AGMO: variants seen among roughly 807,000 people sequenced by gnomAD.
The protein encoded by AGMO is alkylglycerol monooxygenase, also known as glyceryl-ether monooxygenase.
A neutral mutation model predicts 60.2 loss-of-function variants in AGMO; 75 were observed. The observed-to-expected ratio is 1.25, with a 90% confidence interval of 1.03 to 1.51. The LOEUF (loss-of-function observed/expected upper bound fraction) is 1.51, where lower values mean the gene tolerates loss of function less well. Among genes scored for constraint, AGMO ranks in the 40% most tolerant of loss-of-function variants. AGMO has a pLI of 0.00. For missense variants in AGMO, 763 were observed against 525.5 expected, an observed-to-expected ratio of 1.45 and a Z score of -4.42; for synonymous variants, 261 against 177.1, an observed-to-expected ratio of 1.47 and a Z score of -3.76.
chr7:15,559,935 G>C (rs1306040889), intron 2 of AGMO, among the ~76,000 whole-genome samples: 4 of 152,062 alleles, frequency 2.6e-5, no homozygotes, highest in African/African-American at 9.7e-5. Flanking sequence ...ACAGAGTCAA[G>C]ATAAATAATG....
chr7:15,181,605 G>C, the AGMO span, among the ~76,000 whole-genome samples: 1 of 152,054 alleles, frequency 6.6e-6, no homozygotes, highest in Non-Finnish European at 1.5e-5. Flanking sequence ...AGATAAGCTT[G>C]TAGGTTCAAT....
chr7:15,445,766 G>A (rs1781682959), intron 3 of AGMO, among the ~76,000 whole-genome samples: 1 of 152,138 alleles, frequency 6.6e-6, no homozygotes. Flanking sequence ...GTTAAGACAT[G>A]TAGGGATGTT....
intron 3 of AGMO, among the ~76,000 whole-genome samples, chr7:15,499,753 C>G (rs1010270673): frequency 6.6e-6 from 1 of 151,464 alleles, no homozygotes; most frequent in Non-Finnish European, 1.5e-5. Context: ...AGAGAACTGC[C>G]TGAATAAATT....
chr7:15,241,648 A>G (rs1221528164), intron 12 of AGMO, among the ~76,000 whole-genome samples: 2 of 152,096 alleles, frequency 1.3e-5, no homozygotes, highest in Non-Finnish European at 2.9e-5. Flanking sequence ...CTGGACTCTC[A>G]TAATTTTCTT....
At chr7:15,134,571 T>G in the AGMO span, among the ~76,000 whole-genome samples, 1 of 152,274 alleles carries the variant, frequency 6.6e-6, no homozygotes, top group African/African-American at 2.4e-5. Flanking sequence ...TTCTCTTCCT[T>G]AATTAGTTGG....
chr7:15,200,257 T>C (rs1781241633), downstream of AGMO: 1 of 152,150 alleles, frequency 6.6e-6, no homozygotes, highest in Admixed American at 6.5e-5. Context: ...TCCCTGTCAG[T>C]TCCCTCCTAA....
chr7:15,393,749 T>A (rs531390881), intron 6 of AGMO, among the ~76,000 whole-genome samples: 1 of 152,314 alleles, frequency 6.6e-6, no homozygotes, highest in African/African-American at 2.4e-5. Context: ...TCTCTGACTA[T>A]AGATAGGAAT....
chr7:15,529,515 C>T (rs1168614199), intron 3 of AGMO, among the ~76,000 whole-genome samples: 1 of 110,318 alleles, frequency 9.1e-6, no homozygotes, highest in Non-Finnish European at 1.9e-5. Flanking sequence ...AGACTAGAAT[C>T]TGTTCTTAGA....
At chr7:15,397,061 G>A (rs112125158) in intron 5 of AGMO, among the ~76,000 whole-genome samples, 2,492 of 152,242 alleles carry the variant, frequency 0.016, 28 homozygotes, top group Non-Finnish European at 0.027. Flanking sequence ...ACCGGTCCCA[G>A]AAGCCCAGTT....
At chr7:15,380,990 T>A (rs983264740) in intron 10 of AGMO, among the ~76,000 whole-genome samples, 4 of 151,996 alleles carry the variant, frequency 2.6e-5, no homozygotes, top group African/African-American at 9.7e-5. Flanking sequence ...ATGCAGAAGA[T>A]TCAAACTGGA....
At chr7:15,145,376 C>T in the AGMO span, among the ~76,000 whole-genome samples, 1 of 151,966 alleles carries the variant, frequency 6.6e-6, no homozygotes, top group African/African-American at 2.4e-5. Flanking sequence ...AATGAAAATA[C>T]TCTTATAGTA....
At chr7:15,551,750 A>T (rs1476635199) in intron 2 of AGMO, among the ~76,000 whole-genome samples, 1 of 151,682 alleles carries the variant, frequency 6.6e-6, no homozygotes, top group East Asian at 1.9e-4. Flanking sequence ...TGCCCAAGGT[A>T]ATTTACAGAT....
At chr7:15,268,273 C>G (rs1783491834) in intron 12 of AGMO, among the ~76,000 whole-genome samples, 1 of 151,956 alleles carries the variant, frequency 6.6e-6, no homozygotes, top group Non-Finnish European at 1.5e-5. Flanking sequence ...AAGGAATACT[C>G]TAAGTTTTAA....
At chr7:15,436,040 G>A (rs73288443) in intron 3 of AGMO, among the ~76,000 whole-genome samples, 5,621 of 152,202 alleles carry the variant, frequency 0.037, 330 homozygotes, top group African/African-American at 0.13. Context: ...GAATGATGAT[G>A]TTGGTTTCAC....
chr7:15,378,461 G>T (rs771812728), intron 10 of AGMO, among the ~76,000 whole-genome samples: 3 of 151,774 alleles, frequency 2.0e-5, no homozygotes, highest in African/African-American at 7.3e-5. Flanking sequence ...TGTTTTCTCC[G>T]TCCCTTTATG....
chr7:15,179,332 C>G, the AGMO span, among the ~76,000 whole-genome samples: 1 of 152,092 alleles, frequency 6.6e-6, no homozygotes, highest in Non-Finnish European at 1.5e-5. Flanking sequence ...TTTCCTCCAG[C>G]TGTGAGCCTG....
At chr7:15,176,455 G>A in the AGMO span, among the ~76,000 whole-genome samples, 3 of 151,994 alleles carry the variant, frequency 2.0e-5, no homozygotes, top group Admixed American at 2.0e-4. Flanking sequence ...CAATGTATGG[G>A]TGCAGACAGG....
intron 3 of AGMO, among the ~76,000 whole-genome samples, chr7:15,530,484 C>A (rs1459794221): frequency 1.2e-4 from 10 of 81,040 alleles, no homozygotes; most frequent in African/African-American, 4.8e-4. Flanking sequence ...ATACGTATTT[C>A]TATATATATT....
intron 12 of AGMO, among the ~76,000 whole-genome samples, chr7:15,311,958 T>C (rs1172303727): frequency 6.6e-6 from 1 of 152,138 alleles, no homozygotes; most frequent in African/African-American, 2.4e-5. Flanking sequence ...ATGGGTTTAA[T>C]ATCAGATTGT....
Sources: allele counts gnomAD v4.1 joint callset (sites outside exome capture counted in the v4.1 genomes callset), GRCh38; gene constraint gnomAD v4.1.1; transcripts MANE v1.5; gene names NCBI Gene and HGNC (gene_info 2026-07-23, HGNC 2026-07-21).